CABIN1: variants seen among roughly 807,000 people sequenced by gnomAD.
CABIN1 encodes calcineurin-binding protein cabin-1.
CABIN1 carries 133 observed loss-of-function variants against 227.7 expected under a neutral mutation model. That is an observed-to-expected ratio of 0.58 (90% confidence interval 0.51 to 0.67). The LOEUF (loss-of-function observed/expected upper bound fraction) is 0.67, where lower values mean the gene tolerates loss of function less well. Among genes scored for constraint, CABIN1 ranks in the 30% least tolerant of loss-of-function variants. The pLI is 0.00. For synonymous variants in CABIN1, 1,086 were observed against 1,155.1 expected (o/e 0.94, Z 1.21); for missense variants, 2,408 against 2,852.5 (o/e 0.84, Z 3.55).
At chr22:24,139,803 T>G (rs1366035866) in intron 29 of CABIN1, among the ~76,000 whole-genome samples, 1 of 152,236 alleles carries the variant, frequency 6.6e-6, no homozygotes, top group African/African-American at 2.4e-5. Flanking sequence ...CCAGAGGAGA[T>G]GCCCACATGA....
chr22:24,030,266 CTTTGCTGTCACTT>C (rs2036405385), intron 1 of CABIN1, among the ~76,000 whole-genome samples: 1 of 152,154 alleles, frequency 6.6e-6, no homozygotes, highest in African/African-American at 2.4e-5. Flanking sequence ...GCAGGAGACT[CTTTGCTGTCACTT>C]TTTGCTGTGC....
Position 24,165,605 on chromosome 22 carries a change from C to T in CABIN1, c.4986C>T (p.Asp1662=), listed in dbSNP as rs200127409. Residue 1662 remains aspartate, a synonymous_variant, in exon 31 of 37, where the codon GAC becomes GAT. Transcript: ENST00000263119. ...TCCTCACTGTGAAGGTGCTCGAAGA[C>T]ACGCTGAGCGAGCTCGCAGAGGTAT... ...AFILTVKVLE[D]TLSELAEGSE... The T allele has an allele frequency of 3.0e-5, 49 of 1,612,962 alleles. No homozygotes were observed. The highest frequency in any genetic ancestry group is 4.1e-5 in the Non-Finnish European group (48 of 1,179,908).
intron 23 of CABIN1, among the ~76,000 whole-genome samples, chr22:24,088,497 C>T (rs2041324331): frequency 6.6e-6 from 1 of 151,946 alleles, no homozygotes; most frequent in Admixed American, 6.6e-5. Context: ...TATCCCAGCT[C>T]CTCGGGAGGC....
intron 1 of CABIN1, among the ~76,000 whole-genome samples, chr22:24,013,906 T>C (rs2146367919): frequency 1.3e-5 from 2 of 152,350 alleles, no homozygotes; most frequent in South Asian, 4.1e-4. Flanking sequence ...TATGCATTGT[T>C]GGCCAGAACA....
intron 29 of CABIN1, among the ~76,000 whole-genome samples, 193 bp from the exon 30 acceptor site, chr22:24,164,207 T>C: frequency 6.6e-6 from 1 of 152,236 alleles, no homozygotes; most frequent in East Asian, 1.9e-4. Context: ...TGTCATTTGC[T>C]GCCACTCATG....
At position 24,076,261 on chromosome 22, in the gene CABIN1, G is replaced by A. The variant is rs762462002; in HGVS notation, c.2725G>A (p.Asp909Asn). The change falls in exon 19 of 37, where the codon GAT becomes AAT. Residue 909 changes from aspartate (D) to asparagine (N), a missense_variant. Transcript: ENST00000263119. ...CAGAAGGTCCTGGTGCTGCAATTCA[G>A]ATGGGGCTCTGCTGCGATTCTATGT... ...LGRRSWCCNS[D>N]GALLRFYVRV... 4.3e-6 allele frequency: 7 copies of A among 1,614,004 alleles called. No homozygotes were observed. In the African/African-American group the frequency reaches 8.0e-5, roughly 18 times the overall value.
chr22:24,082,017 A>C (rs1015319111), intron 19 of CABIN1, among the ~76,000 whole-genome samples: 4 of 150,238 alleles, frequency 2.7e-5, no homozygotes. Flanking sequence ...ACGGAGCGAG[A>C]CTCCATCTCA....
intron 32 of CABIN1, among the ~76,000 whole-genome samples, chr22:24,168,141 C>T (rs2046561956): frequency 6.6e-6 from 1 of 152,224 alleles, no homozygotes; most frequent in South Asian, 2.1e-4. Flanking sequence ...CAGATGGGCT[C>T]AGAGGAACAG....
chr22:24,130,110 G>C (rs972227601), intron 28 of CABIN1, among the ~76,000 whole-genome samples: 1 of 152,170 alleles, frequency 6.6e-6, no homozygotes, highest in Non-Finnish European at 1.5e-5. Context: ...GTCACAGGAG[G>C]GTCTATGTGC....
At chr22:24,031,883 T>C (rs145669418) in intron 1 of CABIN1, among the ~76,000 whole-genome samples, 2 of 152,374 alleles carry the variant, frequency 1.3e-5, no homozygotes, top group Non-Finnish European at 2.9e-5. Flanking sequence ...TCTGAGACTT[T>C]ATTTGGAGTA....
At chr22:24,112,177 T>C (rs1218237716) in intron 26 of CABIN1, among the ~76,000 whole-genome samples, 1 of 152,276 alleles carries the variant, frequency 6.6e-6, no homozygotes, top group Non-Finnish European at 1.5e-5. Flanking sequence ...CTTACAATTT[T>C]TACATTGAAT....
intron 28 of CABIN1, among the ~76,000 whole-genome samples, chr22:24,133,495 G>A (rs114777098): frequency 0.02 from 2,993 of 152,330 alleles, 98 homozygotes; most frequent in African/African-American, 0.069. Flanking sequence ...GGACCTGAGC[G>A]GGAGGGGAGG....
chr22:24,137,155 T>G (rs1047938011), intron 29 of CABIN1, among the ~76,000 whole-genome samples: 1 of 152,188 alleles, frequency 6.6e-6, no homozygotes, highest in Non-Finnish European at 1.5e-5. Context: ...TCCCTCCCTC[T>G]CTTCCTCTCT....
At chr22:24,049,664 T>C (rs1244779683) in intron 7 of CABIN1, among the ~76,000 whole-genome samples, 1 of 152,196 alleles carries the variant, frequency 6.6e-6, no homozygotes, top group African/African-American at 2.4e-5. Context: ...AAAGAGGTTC[T>C]TTGCAGCCTG....
At position 24,084,751 on chromosome 22, in the gene CABIN1, A is replaced by G. The variant is rs1000060776; in HGVS notation, c.3083A>G (p.Lys1028Arg). ...GAGAGGCCAGCCCTTAGCCTGGACA[A>G]AGTCTCTGCCTACATTGAGGGAACT... ...RTERPALSLD[K>R]VSAYIEGTST... Residue 1028 changes from lysine (K) to arginine (R), a missense_variant, in exon 21 of 37, where the codon AAA becomes AGA. This residue lies in a region of CABIN1 where 649 missense variants were observed against 910.3 expected (regional missense o/e 0.71). Transcript: ENST00000263119. 7 of 1,614,120 alleles carry G rather than the reference A, an allele frequency of 4.3e-6. No homozygotes were observed. Among genetic ancestry groups the G allele is most frequent in the Non-Finnish European group, 1.7e-6 (2 of 1,180,044 alleles).
At chr22:24,055,195 C>A in intron 9 of CABIN1, 36 bp downstream of exon 9, 2 of 1,601,514 alleles carry the variant, frequency 1.2e-6, no homozygotes, top group South Asian at 2.2e-5. Context: ...TCCGGGGAGA[C>A]CCCGTTCACT....
At chr22:24,140,114 T>A (rs56022669) in intron 29 of CABIN1, among the ~76,000 whole-genome samples, 316 of 152,298 alleles carry the variant, frequency 2.1e-3, no homozygotes, top group African/African-American at 7.4e-3. Context: ...TCGGGGGAAC[T>A]CCTTAGGCTG....
chr22:24,064,015 C>T lies in CABIN1; in HGVS notation c.1885-20C>T. 6 of 1,614,034 alleles carry T rather than the reference C, an allele frequency of 3.7e-6. No homozygotes were observed. Among genetic ancestry groups the T allele is most frequent in the Non-Finnish European group, 4.2e-6 (5 of 1,179,994 alleles). ...TCAGTCTTCTGCTTTGGTTCCCTGA[C>T]CTGTTTTCCGTCTAACCAGGGAGAC... On this transcript the variant is annotated intron_variant, in intron 14 of 36. Coordinates refer to ENST00000263119, the MANE Select transcript of CABIN1 (RefSeq NM_012295.4).
intron 33 of CABIN1, chr22:24,170,139 G>T (rs1334469304): frequency 2.2e-6 from 1 of 458,814 alleles, no homozygotes; most frequent in East Asian, 6.9e-5. Flanking sequence ...ACCCTGGTGC[G>T]GTGGGGGCGC....
Sources: gnomAD v4.1 joint callset for allele counts (sites outside exome capture counted in the v4.1 genomes callset) on GRCh38, gnomAD v4.1.1 for gene constraint, gnomAD v4.1.1 regional missense constraint, MANE v1.5 for transcripts, NCBI Gene and HGNC (gene_info 2026-07-23, HGNC 2026-07-21) for gene names.